Variants in SSBP3 observed in about 807,000 individuals in gnomAD.
SSBP3 encodes the protein single-stranded DNA-binding protein 3.
SSBP3 carries 5 observed loss-of-function variants against 69.6 expected under a neutral mutation model. The observed-to-expected ratio is 0.07, with a 90% CI of 0.04 to 0.15. SSBP3 has a LOEUF of 0.15. Among genes scored for constraint, SSBP3 ranks in the 10% least tolerant of loss-of-function variants. The pLI is 1.00. For synonymous variants in SSBP3, 196 were observed against 193.4 expected (o/e 1.01, Z -0.11); for missense variants, 312 against 534.0 (o/e 0.58, Z 4.10).
At chr1:54,309,460 C>T (rs1260791678) in intron 4 of SSBP3, among the ~76,000 whole-genome samples, 1 of 152,266 alleles carries the variant, frequency 6.6e-6, no homozygotes, top group Non-Finnish European at 1.5e-5. Flanking sequence ...AGCTGGTTCT[C>T]AAACAGCCAG....
At chr1:54,344,795 T>C (rs1646662499) in intron 4 of SSBP3, among the ~76,000 whole-genome samples, 1 of 152,194 alleles carries the variant, frequency 6.6e-6, no homozygotes, top group Non-Finnish European at 1.5e-5. Context: ...GAGGATCACT[T>C]CAGCTCAGGA....
chr1:54,237,890 C>T (rs148825587), intron 14 of SSBP3: 15 of 343,330 alleles, frequency 4.4e-5, no homozygotes, highest in African/African-American at 2.6e-4. Flanking sequence ...GTCCTGATGC[C>T]AGCATCCACG....
intron 14 of SSBP3, among the ~76,000 whole-genome samples, chr1:54,235,666 TG>T (rs890294541): frequency 1.3e-5 from 2 of 151,972 alleles, no homozygotes; most frequent in Admixed American, 6.6e-5. Context: ...TTGGTCAGGC[TG>T]GAACTCCTGA....
intron 4 of SSBP3, among the ~76,000 whole-genome samples, chr1:54,318,520 G>A (rs1276831303): frequency 6.6e-6 from 1 of 152,048 alleles, no homozygotes; most frequent in East Asian, 1.9e-4. Flanking sequence ...AAAACACCAA[G>A]CTATAGTTAC....
intron 4 of SSBP3, among the ~76,000 whole-genome samples, chr1:54,385,032 C>T (rs935175439): frequency 3.3e-5 from 5 of 152,154 alleles, no homozygotes; most frequent in African/African-American, 1.2e-4. Context: ...CAGGGAAGGA[C>T]ATACTTCCTA....
chr1:54,257,963 C>G, intron 6 of SSBP3, 106 bp downstream of exon 6: 10 of 1,052,978 alleles, frequency 9.5e-6, no homozygotes, highest in Non-Finnish European at 1.3e-5. Context: ...TAAAGACTCG[C>G]AGGCAGTGGC....
chr1:54,302,121 C>T (rs1229163252), intron 4 of SSBP3, among the ~76,000 whole-genome samples: 2 of 152,204 alleles, frequency 1.3e-5, no homozygotes, highest in African/African-American at 2.4e-5. Context: ...GTCCCATGTG[C>T]GCAAGGACAC....
intron 4 of SSBP3, among the ~76,000 whole-genome samples, chr1:54,314,535 C>T (rs1387814957): frequency 6.6e-6 from 1 of 152,202 alleles, no homozygotes; most frequent in East Asian, 1.9e-4. Context: ...CTCACAAAGC[C>T]TCAACATTTT....
chr1:54,248,616 G>C (rs1009256992), intron 9 of SSBP3, among the ~76,000 whole-genome samples: 3 of 152,142 alleles, frequency 2.0e-5, no homozygotes, highest in Admixed American at 6.5e-5. Context: ...CTCCACCTCA[G>C]AGTCCCAAAC....
intron 1 of SSBP3, 35 bp downstream of exon 1, chr1:54,405,918 G>A (rs769106039): frequency 4.4e-6 from 5 of 1,139,960 alleles, no homozygotes; most frequent in Middle Eastern, 3.9e-4. Flanking sequence ...GCAGCCCGGC[G>A]GCGGCGCGGC....
At chr1:54,316,115 C>T (rs1335907773) in intron 4 of SSBP3, among the ~76,000 whole-genome samples, 3 of 151,408 alleles carry the variant, frequency 2.0e-5, no homozygotes, top group South Asian at 2.1e-4. Context: ...GAGGCTGAGG[C>T]GGGAAGATCA....
At chr1:54,232,615 T>A (rs894150424) in intron 14 of SSBP3, among the ~76,000 whole-genome samples, 2 of 152,080 alleles carry the variant, frequency 1.3e-5, no homozygotes, top group Non-Finnish European at 2.9e-5. Flanking sequence ...GGTCTCCCTC[T>A]CTTTCCACGG....
intron 12 of SSBP3, 45 bp from the exon 13 acceptor site, chr1:54,241,004 G>C (rs377303969): frequency 1.3e-6 from 2 of 1,572,664 alleles, no homozygotes; most frequent in Non-Finnish European, 1.7e-6. Context: ...CGGTGGTAAC[G>C]AACATGGGGA....
intron 4 of SSBP3, among the ~76,000 whole-genome samples, chr1:54,308,600 C>CA (rs397862361): frequency 0.024 from 2,440 of 101,086 alleles, 40 homozygotes; most frequent in South Asian, 0.068. Context: ...GACTCCATCT[C>CA]AAAAAAAAAA....
At chr1:54,225,619 C>A (rs1644273752) in exon 18 of SSBP3, 7 of 348,200 alleles carry the variant, frequency 2.0e-5, no homozygotes, top group South Asian at 1.5e-4. Flanking sequence ...GATGATATCT[C>A]ACATAATATG....
At chr1:54,278,143 G>C (rs979002800) in intron 5 of SSBP3, among the ~76,000 whole-genome samples, 1 of 152,108 alleles carries the variant, frequency 6.6e-6, no homozygotes, top group African/African-American at 2.4e-5. Context: ...CAAAACACCA[G>C]AACACCACTC....
intron 4 of SSBP3, among the ~76,000 whole-genome samples, chr1:54,394,518 G>A (rs546708645): frequency 3.5e-4 from 53 of 152,104 alleles, no homozygotes; most frequent in African/African-American, 1.3e-3. Flanking sequence ...GTAGGAGCTT[G>A]GTAACCTCAA....
At chr1:54,303,518 C>T (rs909584896) in intron 4 of SSBP3, among the ~76,000 whole-genome samples, 7 of 152,310 alleles carry the variant, frequency 4.6e-5, no homozygotes, top group South Asian at 2.1e-4. Context: ...TCAATCCTGA[C>T]GACAACTCTA....
At chr1:54,332,291 ACGCATCAG>A in intron 4 of SSBP3, among the ~76,000 whole-genome samples, 2 of 152,280 alleles carry the variant, frequency 1.3e-5, no homozygotes, top group Middle Eastern at 6.8e-3. Flanking sequence ...TCACAGATAC[ACGCATCAG>A]CCCTGCAGGA....
Sources: allele counts gnomAD v4.1 joint callset (sites outside exome capture counted in the v4.1 genomes callset), GRCh38; gene constraint gnomAD v4.1.1; transcripts MANE v1.5; gene names NCBI Gene and HGNC (gene_info 2026-07-23, HGNC 2026-07-21).